C10orf90: variants seen among roughly 807,000 people sequenced by gnomAD.
C10orf90 encodes the protein chromosome 10 open reading frame 90.
Under a neutral mutation model 62.5 loss-of-function variants are expected in C10orf90, and 56 were observed. The ratio of observed to expected loss-of-function variants is 0.90; its 90% confidence interval spans 0.72 to 1.12. The LOEUF is 1.12. Among genes scored for constraint, C10orf90 ranks in the 50% most tolerant of loss-of-function variants. The pLI, the probability that C10orf90 is intolerant of heterozygous loss-of-function variation, is 0.00. For synonymous variants in C10orf90, 386 were observed against 340.4 expected (o/e 1.13, Z -1.47); for missense variants, 970 against 880.4 (o/e 1.10, Z -1.29).
intron 2 of C10orf90, among the ~76,000 whole-genome samples, chr10:126,632,386 T>C (rs993066477): frequency 6.6e-6 from 1 of 151,720 alleles, no homozygotes; most frequent in Admixed American, 6.6e-5. Flanking sequence ...GAGGGAGAAA[T>C]AGGACCTCCA....
In C10orf90 at chr10:126,556,905, T is replaced by C. The variant is rs555333816; in HGVS notation, c.314-42966A>G. Among the ~76,000 whole-genome samples, 5 of 151,582 alleles carry C rather than the reference T, an allele frequency of 3.3e-5. No homozygotes were observed. In the South Asian group the frequency reaches 6.3e-4, roughly 19 times the overall value. ...GGAGCCTGAGAGGCAGGCAGTGCTG[T>C]GGGCCCCAGCGTTTCTTCCTGAAGG... is the stretch of plus-strand genomic sequence containing the variant. On this transcript the variant is annotated intron_variant, in intron 2 of 9. Transcript: ENST00000488181.
chr10:126,534,629 C>T (rs563568030), intron 2 of C10orf90, among the ~76,000 whole-genome samples: 11 of 152,294 alleles, frequency 7.2e-5, no homozygotes, highest in African/African-American at 2.6e-4. Context: ...ATCCTTCTTC[C>T]ACTTCCAAAG....
chr10:126,665,948 T>A (rs1334837137), intron 1 of C10orf90, among the ~76,000 whole-genome samples: 6 of 152,100 alleles, frequency 3.9e-5, no homozygotes, highest in Non-Finnish European at 8.8e-5. Context: ...AAGTGGTAGG[T>A]CACATCATTC....
chr10:126,638,649 G>A (rs758279368), intron 2 of C10orf90, among the ~76,000 whole-genome samples: 1 of 152,088 alleles, frequency 6.6e-6, no homozygotes, highest in Non-Finnish European at 1.5e-5. Context: ...TGAGGGCCTT[G>A]GATGGCCTAT....
chr10:126,468,579 G>A (rs933107220), intron 4 of C10orf90, among the ~76,000 whole-genome samples: 7 of 152,170 alleles, frequency 4.6e-5, no homozygotes, highest in African/African-American at 1.7e-4. Flanking sequence ...CGGGCATGCT[G>A]GCAGGCAGGA....
intron 2 of C10orf90, among the ~76,000 whole-genome samples, chr10:126,604,174 A>G (rs1845259243): frequency 6.6e-6 from 1 of 152,160 alleles, no homozygotes; most frequent in Non-Finnish European, 1.5e-5. Flanking sequence ...ACAGATTCGG[A>G]GAAGCCATCT....
At chr10:126,512,288 AGTGTGTGT>A (rs377341185) in intron 3 of C10orf90, among the ~76,000 whole-genome samples, 1 of 144,814 alleles carries the variant, frequency 6.9e-6, no homozygotes, top group African/African-American at 2.6e-5. Context: ...GAGAGACAGA[AGTGTGTGT>A]GTGTGTGTGT....
intron 1 of C10orf90, among the ~76,000 whole-genome samples, chr10:126,669,703 CT>C (rs67897578): frequency 0.83 from 121,349 of 145,468 alleles, 50,903 homozygotes; most frequent in East Asian, 0.95. Context: ...CACTCTCTGT[CT>C]TTTTTTTTTT....
intron 4 of C10orf90, among the ~76,000 whole-genome samples, chr10:126,499,567 G>A (rs369787191): frequency 5.9e-5 from 9 of 152,284 alleles, no homozygotes; most frequent in East Asian, 5.8e-4. Context: ...CTTGAGTGGC[G>A]TAAGTGAGAT....
chr10:126,644,866 T>A (rs1455368310), intron 2 of C10orf90, among the ~76,000 whole-genome samples: 1 of 152,202 alleles, frequency 6.6e-6, no homozygotes, highest in Non-Finnish European at 1.5e-5. Flanking sequence ...CCAGACAGGT[T>A]TTGGGAGCCT....
intron 2 of C10orf90, among the ~76,000 whole-genome samples, chr10:126,622,261 C>A (rs1277033564): frequency 1.3e-5 from 2 of 152,128 alleles, no homozygotes; most frequent in Admixed American, 1.3e-4. Context: ...CATCCACCAA[C>A]CTTCTCTAGC....
At chr10:126,574,470 G>A in intron 2 of C10orf90, among the ~76,000 whole-genome samples, 1 of 151,414 alleles carries the variant, frequency 6.6e-6, no homozygotes, top group Non-Finnish European at 1.5e-5. Flanking sequence ...TTCATAAGAT[G>A]GAAAAATTAG....
At chr10:126,433,926 C>T (rs1334601717) in intron 7 of C10orf90, among the ~76,000 whole-genome samples, 1 of 152,136 alleles carries the variant, frequency 6.6e-6, no homozygotes, top group South Asian at 2.1e-4. Flanking sequence ...GTGTTTACCT[C>T]GAATTATCAT....
At chr10:126,584,105 G>A (rs1315521654) in intron 2 of C10orf90, among the ~76,000 whole-genome samples, 2 of 152,092 alleles carry the variant, frequency 1.3e-5, no homozygotes, top group Admixed American at 1.3e-4. Context: ...GGGTGACAGA[G>A]TAAGACTCTA....
Position 126,425,841 on chromosome 10 carries a change from G to A in C10orf90, c.*23C>T. The A allele has an allele frequency of 1.9e-6, 3 of 1,612,192 alleles. No homozygotes were observed. Among genetic ancestry groups the A allele is most frequent in the Non-Finnish European group, 2.5e-6 (3 of 1,179,252 alleles). On this transcript the variant is annotated 3_prime_UTR_variant, in exon 10 of 10. Transcript: ENST00000488181. Reference sequence around the variant, plus strand: ...CGAAGTCCTCCCAGGTCCAGGTAGTGTGGTCAGCAGGGCAGCCTGTGGTTA... The same window carrying A: ...CGAAGTCCTCCCAGGTCCAGGTAGTATGGTCAGCAGGGCAGCCTGTGGTTA...
intron 5 of C10orf90, among the ~76,000 whole-genome samples, chr10:126,463,816 T>C (rs921219461): frequency 6.6e-6 from 1 of 152,252 alleles, no homozygotes; most frequent in Non-Finnish European, 1.5e-5. Flanking sequence ...CTGCTGACCG[T>C]TTCCTGTGCC....
intron 7 of C10orf90, among the ~76,000 whole-genome samples, chr10:126,433,524 T>A (rs1467347065): frequency 6.6e-6 from 1 of 151,454 alleles, no homozygotes; most frequent in African/African-American, 2.4e-5. Flanking sequence ...AAGAGATGAG[T>A]CATCCTTGAT....
At chr10:126,477,053 G>GTGCCCAAC (rs1211493184) in intron 4 of C10orf90, among the ~76,000 whole-genome samples, 1 of 138,604 alleles carries the variant, frequency 7.2e-6, no homozygotes, top group Non-Finnish European at 1.5e-5. Context: ...GGGACTACAG[G>GTGCCCAAC]TGCCCAACAT....
intron 2 of C10orf90, among the ~76,000 whole-genome samples, chr10:126,645,432 A>C (rs1214526726): frequency 6.6e-6 from 1 of 151,172 alleles, no homozygotes; most frequent in Non-Finnish European, 1.5e-5. Context: ...AAACAAACAA[A>C]CAAAACAACT....
Sources: allele counts gnomAD v4.1 joint callset (sites outside exome capture counted in the v4.1 genomes callset), GRCh38; gene constraint gnomAD v4.1.1; transcripts MANE v1.5; gene names NCBI Gene and HGNC (gene_info 2026-07-23, HGNC 2026-07-21).